AFG2A: variants seen among roughly 807,000 people sequenced by gnomAD.
The protein encoded by AFG2A is AAA ATPase AFG2A.
the AFG2A span, among the ~76,000 whole-genome samples, chr4:123,215,172 C>A: frequency 6.6e-6 from 1 of 152,012 alleles, no homozygotes; most frequent in African/African-American, 2.4e-5. Flanking sequence ...TTTACCTTGA[C>A]TATCACAAAT....
the AFG2A span, among the ~76,000 whole-genome samples, chr4:122,964,685 T>TAG: frequency 2.6e-5 from 4 of 152,158 alleles, no homozygotes; most frequent in Non-Finnish European, 4.4e-5. Flanking sequence ...GAGACAAATG[T>TAG]GCCTTCCACA....
At chr4:123,017,407 A>G in the AFG2A span, among the ~76,000 whole-genome samples, 2 of 110,032 alleles carry the variant, frequency 1.8e-5, no homozygotes, top group South Asian at 2.9e-4. Context: ...TCTTTACAGC[A>G]TGGGAAATTT....
chr4:122,962,293 T>C, the AFG2A span, among the ~76,000 whole-genome samples: 2 of 152,036 alleles, frequency 1.3e-5, no homozygotes, highest in Non-Finnish European at 2.9e-5. Context: ...AAGGGACGTA[T>C]TATTGTAGCT....
the AFG2A span, among the ~76,000 whole-genome samples, chr4:123,137,099 A>T: frequency 1.3e-5 from 2 of 152,228 alleles, no homozygotes; most frequent in East Asian, 3.9e-4. Flanking sequence ...TCACACTTCT[A>T]TGAGTGCGCA....
chr4:122,964,045 A>C, the AFG2A span, among the ~76,000 whole-genome samples: 1 of 152,126 alleles, frequency 6.6e-6, no homozygotes, highest in Non-Finnish European at 1.5e-5. Context: ...TTTTTCAAAT[A>C]ACAAAAACAA....
At chr4:123,264,998 T>C in the AFG2A span, among the ~76,000 whole-genome samples, 1 of 152,240 alleles carries the variant, frequency 6.6e-6, no homozygotes, top group East Asian at 1.9e-4. Context: ...TCAATGCCTC[T>C]AAATATTTTC....
chr4:123,157,052 G>A, the AFG2A span, among the ~76,000 whole-genome samples: 1 of 151,450 alleles, frequency 6.6e-6, no homozygotes, highest in Non-Finnish European at 1.5e-5. Flanking sequence ...GTCTTGCTCT[G>A]TTGCTCAGGC....
the AFG2A span, among the ~76,000 whole-genome samples, chr4:122,932,274 C>CA: frequency 1.0e-3 from 135 of 129,708 alleles, no homozygotes; most frequent in Middle Eastern, 3.9e-3. Context: ...GACCTCATCT[C>CA]AAAAAAAAAA....
chr4:123,037,347 T>TTTA, the AFG2A span, among the ~76,000 whole-genome samples: 1 of 152,134 alleles, frequency 6.6e-6, no homozygotes, highest in Non-Finnish European at 1.5e-5. Context: ...GATATTTTTG[T>TTTA]TATTTTGTAA....
chr4:123,112,631 A>G, the AFG2A span, among the ~76,000 whole-genome samples: 213 of 152,308 alleles, frequency 1.4e-3, no homozygotes, highest in African/African-American at 4.4e-3. Flanking sequence ...CTAAAAGTAC[A>G]TACTGTAGAA....
chr4:123,064,518 T>C, the AFG2A span, among the ~76,000 whole-genome samples: 2 of 152,242 alleles, frequency 1.3e-5, no homozygotes, highest in Non-Finnish European at 2.9e-5. Context: ...AGCTTACATT[T>C]TTACCTTTTT....
At chr4:123,300,735 TATC>T in the AFG2A span, among the ~76,000 whole-genome samples, 1 of 137,476 alleles carries the variant, frequency 7.3e-6, no homozygotes, top group South Asian at 2.3e-4. Flanking sequence ...TCAGTTGTAT[TATC>T]CTATGTTTTT....
chr4:123,208,465 C>A, the AFG2A span, among the ~76,000 whole-genome samples: 2 of 152,140 alleles, frequency 1.3e-5, no homozygotes, highest in African/African-American at 2.4e-5. Flanking sequence ...AAACCCAGAC[C>A]ACTATGTCAA....
the AFG2A span, chr4:123,090,750 T>G: frequency 6.3e-7 from 1 of 1,582,774 alleles, no homozygotes. Flanking sequence ...AAGAACTGGC[T>G]TGTTTGATTT....
the AFG2A span, among the ~76,000 whole-genome samples, chr4:123,039,667 TAC>T: frequency 6.6e-6 from 1 of 151,738 alleles, no homozygotes; most frequent in Non-Finnish European, 1.5e-5. Context: ...TACAGCCCTA[TAC>T]TACAGGCATT....
the AFG2A span, among the ~76,000 whole-genome samples, chr4:122,965,499 C>G: frequency 6.6e-6 from 1 of 152,146 alleles, no homozygotes; most frequent in African/African-American, 2.4e-5. Context: ...AGCATTTTGC[C>G]TTTTCTTCCC....
At chr4:123,277,004 C>T in the AFG2A span, among the ~76,000 whole-genome samples, 1 of 152,058 alleles carries the variant, frequency 6.6e-6, no homozygotes, top group South Asian at 2.1e-4. Context: ...ATAGTTTTTT[C>T]TAATTCTGTG....
At chr4:123,102,798 C>CTGTGTGTGTGTGTGTG in the AFG2A span, among the ~76,000 whole-genome samples, 47 of 141,228 alleles carry the variant, frequency 3.3e-4, no homozygotes, top group African/African-American at 9.4e-4. Context: ...TCCTGGCATT[C>CTGTGTGTGTGTGTGTG]TGTGTGTGTG....
the AFG2A span, among the ~76,000 whole-genome samples, chr4:123,230,534 C>A: frequency 1.3e-5 from 2 of 151,670 alleles, no homozygotes; most frequent in Non-Finnish European, 2.9e-5. Flanking sequence ...AAAGTTATTC[C>A]TGAGGGTTGG....
Sources: allele counts gnomAD v4.1 joint callset (sites outside exome capture counted in the v4.1 genomes callset), GRCh38; gene constraint gnomAD v4.1.1; transcripts MANE v1.5; gene names NCBI Gene and HGNC (gene_info 2026-07-23, HGNC 2026-07-21).